The following GRM7 variants were observed in gnomAD, a reference collection of about 807,000 sequenced individuals.
GRM7 encodes the protein glutamate metabotropic receptor 7, also known as metabotropic glutamate receptor 7.
Under a neutral mutation model 84.5 loss-of-function variants are expected in GRM7, and 35 were observed. The observed-to-expected ratio is 0.41, with a 90% CI of 0.32 to 0.55. GRM7 has a LOEUF of 0.55. Among genes scored for constraint, GRM7 ranks in the 20% least tolerant of loss-of-function variants. The pLI is 0.19. For synonymous variants in GRM7, 487 were observed against 455.1 expected, an observed-to-expected ratio of 1.07 and a Z score of -0.89; for missense variants, 1,003 against 1,194.6, an observed-to-expected ratio of 0.84 and a Z score of 2.36.
chr3:7,366,491 A>G (rs563255708), intron 4 of GRM7, among the ~76,000 whole-genome samples: 2 of 152,020 alleles, frequency 1.3e-5, no homozygotes, highest in South Asian at 4.1e-4. Flanking sequence ...GAAGTATATT[A>G]ATACCTTTAA....
intron 4 of GRM7, among the ~76,000 whole-genome samples, chr3:7,353,438 TA>T (rs1693248565): frequency 1.3e-5 from 2 of 152,034 alleles, no homozygotes; most frequent in African/African-American, 4.8e-5. Context: ...CCGGGGAAGT[TA>T]AAAAACTTAG....
intron 9 of GRM7, among the ~76,000 whole-genome samples, chr3:7,732,190 T>C (rs11929494): frequency 0.11 from 16,739 of 152,132 alleles, 1,286 homozygotes; most frequent in African/African-American, 0.22. Flanking sequence ...TCTTTCTCTA[T>C]GACAATGCTG....
intron 8 of GRM7, among the ~76,000 whole-genome samples, chr3:7,651,832 C>A (rs933862348): frequency 1.3e-5 from 2 of 152,168 alleles, no homozygotes; most frequent in African/African-American, 2.4e-5. Context: ...AAAGCTCCAG[C>A]CAGCAGGAGA....
intron 1 of GRM7, among the ~76,000 whole-genome samples, chr3:6,996,548 G>T (rs548239313): frequency 6.6e-6 from 1 of 152,072 alleles, no homozygotes; most frequent in African/African-American, 2.4e-5. Flanking sequence ...GCTCCTGAAC[G>T]CTGTTTTCTA....
chr3:6,976,481 T>A (rs959176079), intron 1 of GRM7, among the ~76,000 whole-genome samples: 1 of 152,198 alleles, frequency 6.6e-6, no homozygotes, highest in Non-Finnish European at 1.5e-5. Flanking sequence ...GTTTGCACTT[T>A]ATTGTTCCAG....
At chr3:7,592,691 A>G (rs1344596070) in intron 8 of GRM7, among the ~76,000 whole-genome samples, 1 of 152,254 alleles carries the variant, frequency 6.6e-6, no homozygotes, top group Non-Finnish European at 1.5e-5. Flanking sequence ...CTGCTACCTG[A>G]CAAGTGACCA....
intron 4 of GRM7, among the ~76,000 whole-genome samples, chr3:7,345,874 A>G (rs1692868640): frequency 6.6e-6 from 1 of 152,168 alleles, no homozygotes; most frequent in African/African-American, 2.4e-5. Flanking sequence ...AGCTTTAAAA[A>G]TGTGGATGTA....
chr3:7,436,194 G>A lies in GRM7; in HGVS notation c.1175-16413G>A, dbSNP rs577638155. 2.0e-5 allele frequency among the ~76,000 whole-genome samples: 3 copies of A among 152,020 alleles called. No homozygotes were observed. The East Asian group carries it at 5.8e-4, about 29-fold the overall frequency. ...AAAAATAACCTTTGTTTTCTTTCTT[G>A]TCTGTGTTGTTTTCTATTTCATCTA... is the stretch of plus-strand genomic sequence containing the variant. On this transcript the variant is annotated intron_variant, in intron 5 of 9. Coordinates refer to ENST00000357716, the MANE Select transcript of GRM7 (RefSeq NM_000844.4).
chr3:6,948,784 G>C (rs1026557102), intron 1 of GRM7, among the ~76,000 whole-genome samples: 11 of 152,180 alleles, frequency 7.2e-5, no homozygotes, highest in Non-Finnish European at 1.6e-4. Flanking sequence ...TCTTCTTGTT[G>C]AATTGATCCC....
chr3:7,185,547 C>T (rs1265599983), intron 2 of GRM7, among the ~76,000 whole-genome samples: 2 of 152,104 alleles, frequency 1.3e-5, no homozygotes, highest in African/African-American at 4.8e-5. Flanking sequence ...TTGCTGCCAA[C>T]CAATGATGGT....
At chr3:7,385,948 G>A (rs1167519758) in intron 4 of GRM7, among the ~76,000 whole-genome samples, 1 of 152,182 alleles carries the variant, frequency 6.6e-6, no homozygotes, top group Non-Finnish European at 1.5e-5. Flanking sequence ...CTGAAACAAA[G>A]TGTTGACCAA....
At chr3:7,550,573 CTCTCTGTGTGTGTGTG>C (rs1559396774) in intron 7 of GRM7, among the ~76,000 whole-genome samples, 3 of 60,632 alleles carry the variant, frequency 4.9e-5, no homozygotes, top group East Asian at 5.8e-4. Context: ...CTCTCTCTCT[CTCTCTGTGTGTGTGTG>C]TGTGTGTGTG....
At chr3:7,558,466 C>G (rs1693870558) in intron 7 of GRM7, among the ~76,000 whole-genome samples, 2 of 152,034 alleles carry the variant, frequency 1.3e-5, no homozygotes, top group Admixed American at 1.3e-4. Context: ...TGATGTAGTG[C>G]TTCTAGGCTG....
chr3:6,946,364 A>C (rs1443076663), intron 1 of GRM7, among the ~76,000 whole-genome samples: 43 of 152,138 alleles, frequency 2.8e-4, no homozygotes, highest in Non-Finnish European at 1.3e-4. Flanking sequence ...AAGATCAGAT[A>C]GTTGTAGATA....
chr3:7,603,029 A>T (rs2125072286), intron 8 of GRM7, among the ~76,000 whole-genome samples: 1 of 152,288 alleles, frequency 6.6e-6, no homozygotes, highest in Middle Eastern at 3.4e-3. Context: ...ATGGTAAAGA[A>T]AATCACAGGC....
In GRM7 at chr3:7,360,196, GAAT is replaced by G. The variant is rs1693601730; in HGVS notation, c.1033+53548_1033+53550del. ...GTGAAAGAAAATGTGTGTAGAGAGAGAATAATGACTAAATGGGTCTTTGAATAA... is the reference window on the plus strand; with the variant it reads ...GTGAAAGAAAATGTGTGTAGAGAGAGAATGACTAAATGGGTCTTTGAATAA... On this transcript the variant is annotated intron_variant, in intron 4 of 9. Transcript: ENST00000357716. Among the ~76,000 whole-genome samples the G allele has an allele frequency of 1.4e-5, 2 of 145,482 alleles. 1 individual carries two copies. The highest frequency in any genetic ancestry group is 3.0e-5 in the Non-Finnish European group (2 of 66,684).
chr3:6,873,099 A>T (rs1016603385), intron 1 of GRM7, among the ~76,000 whole-genome samples: 1 of 152,068 alleles, frequency 6.6e-6, no homozygotes, highest in African/African-American at 2.4e-5. Flanking sequence ...GGGATGACGG[A>T]GTCTTGCTCT....
intron 1 of GRM7, among the ~76,000 whole-genome samples, chr3:7,101,413 C>T (rs531826715): frequency 1.3e-5 from 2 of 151,648 alleles, no homozygotes; most frequent in South Asian, 4.1e-4. Flanking sequence ...TTGCTACCAG[C>T]TTTCTTATGC....
chr3:7,431,604 G>A (rs1488035088), intron 5 of GRM7, among the ~76,000 whole-genome samples: 1 of 152,164 alleles, frequency 6.6e-6, no homozygotes, highest in Non-Finnish European at 1.5e-5. Context: ...ATAACTTTGG[G>A]TAAGTTATTT....
Sources: allele counts gnomAD v4.1 joint callset (sites outside exome capture counted in the v4.1 genomes callset), GRCh38; gene constraint gnomAD v4.1.1; transcripts MANE v1.5; gene names NCBI Gene and HGNC (gene_info 2026-07-23, HGNC 2026-07-21).